DSCAM: variants seen among roughly 807,000 people sequenced by gnomAD.
The protein encoded by DSCAM is DS cell adhesion molecule.
A neutral mutation model predicts 217.7 loss-of-function variants in DSCAM; 47 were observed. The ratio of observed to expected loss-of-function variants is 0.22; its 90% CI spans 0.17 to 0.28. The LOEUF is 0.28. Among genes scored for constraint, DSCAM ranks in the 10% least tolerant of loss-of-function variants. The probability of loss-of-function intolerance (pLI) is 1.00; values close to 1 mark genes in which losing one functional copy is unlikely to be tolerated. For synonymous variants in DSCAM, 1,056 were observed against 1,015.3 expected, an observed-to-expected ratio of 1.04 and a Z score of -0.76; for missense variants, 2,080 against 2,618.3, an observed-to-expected ratio of 0.79 and a Z score of 4.49.
At chr21:40,688,729 G>A (rs2090509519) in intron 3 of DSCAM, among the ~76,000 whole-genome samples, 1 of 152,172 alleles carries the variant, frequency 6.6e-6, no homozygotes, top group Admixed American at 6.5e-5. Context: ...CCAGAGGGAA[G>A]GGTCACCCTG....
intron 1 of DSCAM, among the ~76,000 whole-genome samples, chr21:40,760,421 G>T (rs189359360): frequency 6.6e-6 from 1 of 152,150 alleles, no homozygotes; most frequent in Non-Finnish European, 1.5e-5. Flanking sequence ...AGAGGGTGAC[G>T]TTAGCTTGCA....
At chr21:40,464,143 T>G (rs2075826182) in intron 3 of DSCAM, among the ~76,000 whole-genome samples, 1 of 152,186 alleles carries the variant, frequency 6.6e-6, no homozygotes, top group African/African-American at 2.4e-5. Flanking sequence ...AAGTCTCTCT[T>G]TTGAACTCTG....
At chr21:40,194,851 T>C (rs58906309) in intron 11 of DSCAM, among the ~76,000 whole-genome samples, 8,785 of 152,180 alleles carry the variant, frequency 0.058, 587 homozygotes, top group African/African-American at 0.17. Context: ...AAATTGGCAA[T>C]GGTGGTAGTA....
intron 3 of DSCAM, among the ~76,000 whole-genome samples, chr21:40,595,390 A>G (rs552349288): frequency 6.6e-6 from 1 of 152,072 alleles, no homozygotes; most frequent in African/African-American, 2.4e-5. Flanking sequence ...AAAAAAAGAA[A>G]AGAAAAGAGG....
chr21:40,546,034 T>C (rs2076579786), intron 3 of DSCAM, among the ~76,000 whole-genome samples: 1 of 152,226 alleles, frequency 6.6e-6, no homozygotes, highest in Non-Finnish European at 1.5e-5. Context: ...AATACTTAAA[T>C]GATGTGATCT....
rs1312533460 is a variant in DSCAM, at chr21:40,012,475, A to C, written c.*559T>G. The C allele has an allele frequency of 1.3e-5, 2 of 152,178 alleles. No individual in the cohort carries two copies. Among genetic ancestry groups the C allele is most frequent in the Non-Finnish European group, 2.9e-5 (2 of 68,046 alleles). 9.4% of individuals were successfully genotyped at this position (152,178 alleles called of 1,614,324 possible). A position where few individuals can be genotyped will look rare whatever the true frequency, so the allele number is the denominator to read the frequency against. On this transcript the variant is annotated 3_prime_UTR_variant, in exon 33 of 33. Transcript: ENST00000400454. ...ACAAAATGCAAAGAGTGTCTCATTA[A>C]ATTAAAAAAGAAACAAGAGAGAAAA...
At chr21:40,554,889 A>G (rs1601740302) in intron 3 of DSCAM, among the ~76,000 whole-genome samples, 1 of 152,166 alleles carries the variant, frequency 6.6e-6, no homozygotes, top group East Asian at 1.9e-4. Flanking sequence ...GAAATTGTTT[A>G]TTTTCTTGGT....
chr21:40,692,072 A>G (rs762884957), intron 3 of DSCAM, among the ~76,000 whole-genome samples: 9 of 152,242 alleles, frequency 5.9e-5, no homozygotes, highest in Admixed American at 1.3e-4. Context: ...AACACAGACT[A>G]TGCTCCTCAC....
intron 20 of DSCAM, among the ~76,000 whole-genome samples, chr21:40,110,400 C>G (rs1017745070): frequency 6.6e-6 from 1 of 152,166 alleles, no homozygotes; most frequent in Admixed American, 6.5e-5. Flanking sequence ...GACATCCACA[C>G]CAAAACCCCA....
intron 1 of DSCAM, among the ~76,000 whole-genome samples, chr21:40,753,859 G>A (rs1203929451): frequency 6.6e-6 from 1 of 152,180 alleles, no homozygotes; most frequent in Non-Finnish European, 1.5e-5. Context: ...CACCTGAAGT[G>A]GAGCTGGGCC....
chr21:40,013,665 C>T (rs1234379963), intron 32 of DSCAM, among the ~76,000 whole-genome samples: 1 of 152,166 alleles, frequency 6.6e-6, no homozygotes, highest in African/African-American at 2.4e-5. Context: ...TAACAGAATC[C>T]TTCAACACAC....
intron 3 of DSCAM, among the ~76,000 whole-genome samples, chr21:40,585,326 A>T: frequency 1.7e-5 from 1 of 58,708 alleles, no homozygotes; most frequent in Non-Finnish European, 4.4e-5. Context: ...AGTGTTAAAG[A>T]AAAATGCTGC....
intron 15 of DSCAM, among the ~76,000 whole-genome samples, chr21:40,173,868 A>T (rs749252476): frequency 1.3e-5 from 2 of 152,212 alleles, no homozygotes; most frequent in Non-Finnish European, 2.9e-5. Flanking sequence ...ATGGTCTGTC[A>T]AATTCAGTGG....
chr21:40,214,868 A>C (rs935291392), intron 11 of DSCAM, among the ~76,000 whole-genome samples: 4 of 152,142 alleles, frequency 2.6e-5, no homozygotes, highest in African/African-American at 9.7e-5. Flanking sequence ...AGAGTTCCTA[A>C]GTTCTTGAAG....
intron 20 of DSCAM, among the ~76,000 whole-genome samples, chr21:40,112,340 C>T (rs998970938): frequency 3.3e-5 from 5 of 151,674 alleles, no homozygotes; most frequent in Admixed American, 6.6e-5. Flanking sequence ...GAAATGAAGG[C>T]AGAAATAAAG....
intron 3 of DSCAM, among the ~76,000 whole-genome samples, chr21:40,689,935 G>T (rs1158956059): frequency 2.0e-5 from 3 of 152,182 alleles, no homozygotes; most frequent in Non-Finnish European, 2.9e-5. Context: ...CTGAAGCCAA[G>T]AATCCCAGTG....
chr21:40,754,438 C>G (rs2091256375), intron 1 of DSCAM, among the ~76,000 whole-genome samples: 1 of 152,144 alleles, frequency 6.6e-6, no homozygotes, highest in Non-Finnish European at 1.5e-5. Context: ...GGCAAGTGAA[C>G]AATAAAAGGA....
At position 40,504,325 on chromosome 21, in the gene DSCAM, C is replaced by T. The variant is rs1043517091; in HGVS notation, c.509-135080G>A. Among the ~76,000 whole-genome samples the T allele has an allele frequency of 1.1e-4, 16 of 152,278 alleles. 1 individual carries two copies. Among genetic ancestry groups the T allele is most frequent in the Middle Eastern group, 3.4e-3 (1 of 294 alleles). Reference sequence around the variant, plus strand: ...GCCAGGAGGGCATCAAGAATCAGGTCCCAGCAATGGTGATGGCCACGGGGC... The same window carrying T: ...GCCAGGAGGGCATCAAGAATCAGGTTCCAGCAATGGTGATGGCCACGGGGC... On this transcript the variant is annotated intron_variant, in intron 3 of 32. Coordinates refer to ENST00000400454, the MANE Select transcript of DSCAM (RefSeq NM_001389.5).
chr21:40,085,559 AC>A, intron 23 of DSCAM, 42 bp downstream of exon 23: 1 of 1,414,514 alleles, frequency 7.1e-7, no homozygotes, highest in Non-Finnish European at 9.4e-7. Flanking sequence ...TAGAAAGCAT[AC>A]ATGTAAAAGA....
Sources: gnomAD v4.1 joint callset for allele counts (sites outside exome capture counted in the v4.1 genomes callset) on GRCh38, gnomAD v4.1.1 for gene constraint, MANE v1.5 for transcripts, NCBI Gene and HGNC (gene_info 2026-07-23, HGNC 2026-07-21) for gene names.